The following HLA-DPA1 variants were observed in gnomAD, a reference collection of about 807,000 sequenced individuals.
HLA-DPA1 encodes the protein major histocompatibility complex, class II, DP alpha 1.
A neutral mutation model predicts 21.5 loss-of-function variants in HLA-DPA1; 20 were observed. That is an observed-to-expected ratio of 0.93 (90% confidence interval 0.66 to 1.35). The LOEUF (loss-of-function observed/expected upper bound fraction) is 1.35. HLA-DPA1 is among the 40% of genes most tolerant of loss of function. HLA-DPA1 has a pLI of 0.00. For missense variants in HLA-DPA1, 279 were observed against 323.0 expected (o/e 0.86, Z 1.05); for synonymous variants, 123 against 129.6 (o/e 0.95, Z 0.35).
At position 33,080,386 on chromosome 6, in the gene HLA-DPA1, C is replaced by T. The variant is rs1327687651; in HGVS notation, c.-100+294G>A. Reference sequence around the variant, plus strand: ...CGTCTCCGCCTCCTCCAGCCACCAGCAGAAGGGACTGCCTTCCCCTCAGTG... The same window carrying T: ...CGTCTCCGCCTCCTCCAGCCACCAGTAGAAGGGACTGCCTTCCCCTCAGTG... On this transcript the variant is annotated intron_variant, in intron 1 of 5. Transcript: ENST00000419277. This position sits in a 1 kb window ranked among gnomAD's most constrained non-coding sequence, Gnocchi z 4.3. The T allele has an allele frequency of 1.1e-5, 7 of 633,332 alleles. No individual in the cohort carries two copies. The highest frequency in any genetic ancestry group is 4.3e-5 in the Admixed American group (2 of 47,054). 39.2% of individuals were successfully genotyped at this position (633,332 alleles called of 1,614,324 possible).
chr6:33,069,530 A>G, intron 3 of HLA-DPA1, 111 bp downstream of exon 2: 3 of 1,347,406 alleles, frequency 2.2e-6, no homozygotes, highest in Non-Finnish European at 3.1e-6. Flanking sequence ...CCACTAGGGG[A>G]AGAGGATCAC....
Position 33,080,637 on chromosome 6 carries a change from T to C in HLA-DPA1, c.-100+43A>G, listed in dbSNP as rs1347515001. On this transcript the variant is annotated intron_variant, in intron 1 of 5. Transcript: ENST00000419277. This position sits in a 1 kb window ranked among gnomAD's most constrained non-coding sequence, Gnocchi z 4.3. ...AGGGAGAAAGAGGATTAGATGAGAG[T>C]GGCGCCTCCGCTCATGTCCGCCCCC... is the stretch of plus-strand genomic sequence containing the variant. The C allele has an allele frequency of 6.2e-7, 1 of 1,611,142 alleles. No homozygotes were observed. The highest frequency in any genetic ancestry group is 8.5e-7 in the Non-Finnish European group (1 of 1,178,648).
intron 2 of HLA-DPA1, among the ~76,000 whole-genome samples, chr6:33,070,542 T>C (rs182678115): frequency 2.4e-4 from 37 of 152,320 alleles, no homozygotes; most frequent in African/African-American, 7.5e-4. Flanking sequence ...CTTCAAATTT[T>C]AGGGCTCTTG....
exon 6 of HLA-DPA1, chr6:33,065,104 T>G (rs1466821672): frequency 6.6e-6 from 1 of 152,090 alleles, no homozygotes; most frequent in African/African-American, 2.4e-5. Context: ...GATAAAAGGC[T>G]CAATGAAAGG....
exon 6 of HLA-DPA1, chr6:33,065,258 T>C (rs1353554789): frequency 1.3e-5 from 2 of 151,726 alleles, no homozygotes; most frequent in African/African-American, 4.8e-5. Context: ...AGTTTTCACA[T>C]GAAGTGAGAA....
exon 3 of HLA-DPA1, chr6:33,069,662 T>C: frequency 6.2e-7 from 1 of 1,612,424 alleles, no homozygotes; most frequent in Non-Finnish European, 8.5e-7. Flanking sequence ...TGAGTGTGGT[T>C]GGAACGCTGG....
In HLA-DPA1 at chr6:33,080,682, TTTC is replaced by T; in HGVS notation, c.-105_-103del. 11 of 1,611,088 alleles carry T rather than the reference TTTC, an allele frequency of 6.8e-6. 1 individual carries two copies. In the Middle Eastern group the frequency reaches 1.5e-3, roughly 218 times the overall value. On this transcript the variant is annotated 5_prime_UTR_variant, in exon 1 of 6. Transcript: ENST00000419277. This position sits in a 1 kb window ranked among gnomAD's most constrained non-coding sequence, Gnocchi z 4.3. ...GCCCCCTCCCCGCAGAGAATTACCTTTTCCAGGGACGGCAGGAATGCTACGCGT... is the reference window on the plus strand; with the variant it reads ...GCCCCCTCCCCGCAGAGAATTACCTTCAGGGACGGCAGGAATGCTACGCGT...
Position 33,071,444 on chromosome 6 carries a change from T to A in HLA-DPA1, c.101-1558A>T, listed in dbSNP as rs1172582471. 3.4e-3 allele frequency among the ~76,000 whole-genome samples: 518 copies of A among 152,306 alleles called. 3 individuals carry two copies. The highest frequency in any genetic ancestry group is 0.025 in the East Asian group (129 of 5,178). On this transcript the variant is annotated intron_variant, in intron 2 of 5. Coordinates refer to ENST00000419277, the Ensembl canonical transcript of HLA-DPA1. ...ATACATGAATGTCCCTTGTACTTTT[T>A]AAAATGCTTTTTAAAAAACACTTTC...
intron 1 of HLA-DPA1, among the ~76,000 whole-genome samples, chr6:33,074,103 T>C (rs1278656093): frequency 6.6e-6 from 1 of 152,270 alleles, no homozygotes; most frequent in African/African-American, 2.4e-5. Flanking sequence ...CTCCCTGAGA[T>C]ACCTCCTTTT....
chr6:33,069,326 G>T (rs374569171), intron 3 of HLA-DPA1, 26 bp from the exon 3 acceptor site: 21 of 1,602,140 alleles, frequency 1.3e-5, no homozygotes, highest in Non-Finnish European at 1.8e-5. Context: ...ACCAGGTTAG[G>T]CCCCTCTTCT....
At chr6:33,076,084 C>G (rs771074929) in intron 1 of HLA-DPA1, 29 of 1,612,504 alleles carry the variant, frequency 1.8e-5, no homozygotes, top group Non-Finnish European at 1.7e-6. Context: ...GACAGTGGCT[C>G]TGACGGCGTT....
intron 1 of HLA-DPA1, chr6:33,076,243 C>G: frequency 2.6e-6 from 2 of 780,734 alleles, no homozygotes; most frequent in Admixed American, 4.6e-5. Context: ...TGCGGGGGCT[C>G]CTGCCCTAAG....
chr6:33,066,735 C>CA (rs1166795175), intron 5 of HLA-DPA1: 4 of 152,180 alleles, frequency 2.6e-5, no homozygotes, highest in African/African-American at 9.6e-5. Flanking sequence ...ATGATGGAAG[C>CA]ACATAGTACA....
Position 33,080,363 on chromosome 6 carries a change from T to C in HLA-DPA1, c.-100+317A>G. The stretch of plus-strand genomic sequence containing the variant: ...TCTCCCAGTGACCCCACGTGAAACG[T>C]CTCCGCCTCCTCCAGCCACCAGCAG... On this transcript the variant is annotated intron_variant, in intron 1 of 5. Coordinates refer to ENST00000419277, the Ensembl canonical transcript of HLA-DPA1. The surrounding 1 kb of genome is among the most constrained non-coding windows in gnomAD (Gnocchi z 4.3). 1.7e-6 allele frequency: 1 copy of C among 584,418 alleles called. No homozygotes were observed. The highest frequency in any genetic ancestry group is 3.3e-6 in the Non-Finnish European group (1 of 303,206). 36.2% of individuals were successfully genotyped at this position (584,418 alleles called of 1,614,324 possible).
chr6:33,080,736 G>A (rs776310599), upstream of HLA-DPA1: 18 of 1,610,692 alleles, frequency 1.1e-5, no homozygotes, highest in Admixed American at 8.3e-5. This position sits in a 1 kb window ranked among gnomAD's most constrained non-coding sequence, Gnocchi z 4.3. Context: ...GCTTCCTGGA[G>A]AGATACATCT....
chr6:33,080,526 C>T lies in HLA-DPA1; in HGVS notation c.-100+154G>A, dbSNP rs1157893108. 1.2e-5 allele frequency: 14 copies of T among 1,201,686 alleles called. No homozygotes were observed. In the South Asian group the frequency reaches 1.8e-4, roughly 16 times the overall value. The allele number at this position is 1,201,686 out of a possible 1,614,324, so 74.4% of individuals were successfully genotyped here. On this transcript the variant is annotated intron_variant, in intron 1 of 5. Coordinates refer to ENST00000419277, the Ensembl canonical transcript of HLA-DPA1. This position sits in a 1 kb window ranked among gnomAD's most constrained non-coding sequence, Gnocchi z 4.3. ...AGGCTCTGCGACCCGCTTAGGACCACAGAACTCGGTACTAGGAAAACTCCT... is the reference window on the plus strand; with the variant it reads ...AGGCTCTGCGACCCGCTTAGGACCATAGAACTCGGTACTAGGAAAACTCCT...
chr6:33,067,855 A>T (rs1052069393), intron 5 of HLA-DPA1: 17 of 81,312 alleles, frequency 2.1e-4, no homozygotes, highest in East Asian at 3.1e-3. Flanking sequence ...AAATAAATCA[A>T]GGGAGAGAGA....
intron 2 of HLA-DPA1, among the ~76,000 whole-genome samples, chr6:33,070,541 T>G (rs1456749605): frequency 1.1e-4 from 16 of 152,186 alleles, no homozygotes; most frequent in Non-Finnish European, 7.3e-5. Context: ...CCTTCAAATT[T>G]TAGGGCTCTT....
At chr6:33,070,452 G>T (rs59416939) in intron 2 of HLA-DPA1, among the ~76,000 whole-genome samples, 43,282 of 151,764 alleles carry the variant, frequency 0.29, 8,054 homozygotes, top group East Asian at 0.66. Flanking sequence ...AGTCATGGGG[G>T]TGGGGGAATG....
Sources: allele counts gnomAD v4.1 joint callset (sites outside exome capture counted in the v4.1 genomes callset), GRCh38; gene constraint gnomAD v4.1.1; non-coding constraint Gnocchi (gnomAD v3.1); transcripts MANE v1.5; gene names NCBI Gene and HGNC (gene_info 2026-07-23, HGNC 2026-07-21).